The following UBE2Q2 variants were observed in gnomAD, a reference collection of about 807,000 sequenced individuals.
UBE2Q2 encodes ubiquitin-conjugating enzyme E2 Q2.
A neutral mutation model predicts 59.9 loss-of-function variants in UBE2Q2; 54 were observed. The ratio of observed to expected loss-of-function variants is 0.90; its 90% confidence interval spans 0.72 to 1.13. The LOEUF is 1.13. Ranked by LOEUF, UBE2Q2 falls within the 50% of genes most tolerant of loss-of-function variation. UBE2Q2 has a pLI of 0.00. For missense variants in UBE2Q2, 433 were observed against 441.9 expected (o/e 0.98, Z 0.18); for synonymous variants, 165 against 155.2 (o/e 1.06, Z -0.47).
chr15:75,854,614 G>A (rs570418093), intron 2 of UBE2Q2, 127 bp downstream of exon 2: 3 of 566,748 alleles, frequency 5.3e-6, no homozygotes, highest in South Asian at 6.8e-5. Flanking sequence ...TTAAAGACTA[G>A]TTTGTTTGTT....
At chr15:75,884,390 C>T (rs1898635405) in intron 9 of UBE2Q2, among the ~76,000 whole-genome samples, 4 of 152,132 alleles carry the variant, frequency 2.6e-5, no homozygotes. Flanking sequence ...GAGCTTTGTT[C>T]CTACAGTTAT....
chr15:75,887,324 C>A (rs751955547), intron 9 of UBE2Q2, among the ~76,000 whole-genome samples: 3 of 152,074 alleles, frequency 2.0e-5, no homozygotes, highest in Non-Finnish European at 4.4e-5. Flanking sequence ...AGGTGAGATC[C>A]CAGCTGGGCA....
At chr15:75,871,405 G>A (rs1244348822) in intron 4 of UBE2Q2, among the ~76,000 whole-genome samples, 3 of 152,182 alleles carry the variant, frequency 2.0e-5, no homozygotes, top group African/African-American at 7.2e-5. Context: ...GACCCTTTAC[G>A]GGTGTCAGGC....
Position 75,881,042 on chromosome 15 carries a change from T to A in UBE2Q2, c.825+1854T>A, listed in dbSNP as rs145110766. Among the ~76,000 whole-genome samples, 820 of 152,262 alleles carry A rather than the reference T, an allele frequency of 5.4e-3. 8 individuals carry two copies. The highest frequency in any genetic ancestry group is 0.019 in the African/African-American group (777 of 41,542). On this transcript the variant is annotated intron_variant, in intron 8 of 12. Coordinates refer to ENST00000267938, the MANE Select transcript of UBE2Q2 (RefSeq NM_173469.4). ...GTTGTGGTTGTCAACTGGGTTGTCT[T>A]CCTAAAATATGAGTCTGGTATATAT...
rs537756150 is a variant in UBE2Q2 at position 75,852,048 on chromosome 15, A to AT, written c.181-2329dup. Among the ~76,000 whole-genome samples, 596 of 150,232 alleles carry AT rather than the reference A, an allele frequency of 4.0e-3. 3 individuals carry two copies. Among genetic ancestry groups the AT allele is most frequent in the Non-Finnish European group, 4.7e-3 (319 of 67,388 alleles). ...ACCACCATGCTTAGCTAATTTTTTT[A>AT]TTTTTTTTTGTAGAGATGGGGTTTC... is the stretch of plus-strand genomic sequence containing the variant. On this transcript the variant is annotated intron_variant, in intron 1 of 12. Transcript: ENST00000267938.
intron 1 of UBE2Q2, chr15:75,844,542 G>A (rs1182837429): frequency 2.2e-5 from 33 of 1,534,798 alleles, no homozygotes; most frequent in Non-Finnish European, 2.5e-5. Context: ...CTCGAAAATG[G>A]ATAGGTGAAA....
chr15:75,890,564 T>C (rs1203060630), intron 10 of UBE2Q2, 81 bp downstream of exon 10: 17 of 1,218,714 alleles, frequency 1.4e-5, no homozygotes, highest in Non-Finnish European at 1.9e-5. Flanking sequence ...TAGAAAATTC[T>C]TTAATAGCTC....
At chr15:75,850,285 C>A (rs1896562938) in intron 1 of UBE2Q2, among the ~76,000 whole-genome samples, 1 of 152,206 alleles carries the variant, frequency 6.6e-6, no homozygotes, top group Admixed American at 6.5e-5. Flanking sequence ...AATTTTGTAT[C>A]TTTCCAGTTA....
intron 1 of UBE2Q2, among the ~76,000 whole-genome samples, chr15:75,851,305 T>A (rs1007274332): frequency 6.6e-6 from 1 of 152,076 alleles, no homozygotes. Context: ...TTGCCTAGGC[T>A]TCTTTTTTGA....
intron 4 of UBE2Q2, among the ~76,000 whole-genome samples, chr15:75,870,323 C>T (rs1897718813): frequency 6.6e-6 from 1 of 152,104 alleles, no homozygotes; most frequent in Non-Finnish European, 1.5e-5. Context: ...CCACTGGCCT[C>T]CCAAAGTGCT....
At chr15:75,867,679 G>T (rs1022227859) in intron 3 of UBE2Q2, among the ~76,000 whole-genome samples, 2 of 152,152 alleles carry the variant, frequency 1.3e-5, no homozygotes, top group Admixed American at 6.5e-5. Flanking sequence ...TAAAATGAGG[G>T]ATAGTAACTG....
chr15:75,848,104 G>C (rs1279974963), intron 1 of UBE2Q2, among the ~76,000 whole-genome samples: 1 of 152,082 alleles, frequency 6.6e-6, no homozygotes, highest in Non-Finnish European at 1.5e-5. Flanking sequence ...CTGTGTTTCT[G>C]TGTACTATAG....
intron 3 of UBE2Q2, among the ~76,000 whole-genome samples, chr15:75,862,027 CT>C (rs1897231758): frequency 6.6e-6 from 1 of 152,212 alleles, no homozygotes; most frequent in Admixed American, 6.5e-5. Flanking sequence ...GCTTCTCTTT[CT>C]CCAAGAGGAT....
At chr15:75,844,419 C>CAGAG in intron 1 of UBE2Q2, 1 of 1,551,626 alleles carries the variant, frequency 6.4e-7, no homozygotes, top group Non-Finnish European at 8.7e-7. Context: ...TGAGCGACCC[C>CAGAG]TCTCCCCCGG....
chr15:75,850,528 C>T (rs1567014810), intron 1 of UBE2Q2, among the ~76,000 whole-genome samples: 1 of 152,220 alleles, frequency 6.6e-6, no homozygotes, highest in South Asian at 2.1e-4. Flanking sequence ...ATTTTCTTGG[C>T]TTAGCCCACC....
chr15:75,865,490 G>A (rs934227034), intron 3 of UBE2Q2, among the ~76,000 whole-genome samples: 3 of 152,034 alleles, frequency 2.0e-5, no homozygotes, highest in African/African-American at 7.3e-5. Context: ...ATTCTTGCTT[G>A]TATTTCATGG....
intron 4 of UBE2Q2, among the ~76,000 whole-genome samples, chr15:75,871,052 G>A (rs193061846): frequency 7.3e-4 from 111 of 152,358 alleles, no homozygotes; most frequent in Middle Eastern, 3.4e-3. Context: ...GTGTTTCTCC[G>A]AGAGGGGGAT....
chr15:75,845,153 A>G (rs1896274970), intron 1 of UBE2Q2, among the ~76,000 whole-genome samples: 1 of 152,160 alleles, frequency 6.6e-6, no homozygotes, highest in African/African-American at 2.4e-5. Flanking sequence ...AGCCAAAGCA[A>G]CTAATTTTGA....
intron 1 of UBE2Q2, among the ~76,000 whole-genome samples, chr15:75,852,319 C>G (rs1042104521): frequency 6.6e-6 from 1 of 152,130 alleles, no homozygotes; most frequent in Non-Finnish European, 1.5e-5. Context: ...CGTTTTTACC[C>G]ACCATTGTAT....
Sources: allele counts gnomAD v4.1 joint callset (sites outside exome capture counted in the v4.1 genomes callset), GRCh38; gene constraint gnomAD v4.1.1; transcripts MANE v1.5; gene names NCBI Gene and HGNC (gene_info 2026-07-23, HGNC 2026-07-21).